KIF3B: variants seen among roughly 807,000 people sequenced by gnomAD.
KIF3B encodes kinesin-like protein KIF3B.
A neutral mutation model predicts 74.3 loss-of-function variants in KIF3B; 38 were observed. That is an observed-to-expected ratio of 0.51 (90% CI 0.39 to 0.67). The LOEUF is 0.67. KIF3B is among the 30% of genes least tolerant of loss of function. The pLI, the probability that KIF3B is intolerant of heterozygous loss-of-function variation, is 0.00. For synonymous variants in KIF3B, 326 were observed against 342.5 expected, an observed-to-expected ratio of 0.95 and a Z score of 0.53; for missense variants, 649 against 932.0, an observed-to-expected ratio of 0.70 and a Z score of 3.95.
chr20:32,279,616 C>T (rs891817580), intron 1 of KIF3B, among the ~76,000 whole-genome samples: 3 of 152,086 alleles, frequency 2.0e-5, no homozygotes, highest in Non-Finnish European at 4.4e-5. Flanking sequence ...CAGGCATGTG[C>T]CACCATGCCC....
chr20:32,311,198 C>A lies in KIF3B; in HGVS notation c.1404+17C>A. The A allele has an allele frequency of 6.3e-7, 1 of 1,580,670 alleles. No individual in the cohort carries two copies. The highest frequency in any genetic ancestry group is 2.3e-5 in the East Asian group (1 of 44,374). On this transcript the variant is annotated intron_variant, in intron 2 of 8. Coordinates refer to ENST00000375712, the MANE Select transcript of KIF3B (RefSeq NM_004798.4). ...AAGATCAAGGTACCATACCCGTACCCTTCCTTAGGCCCTTGCCCTGTCACT... is the reference window on the plus strand; with the variant it reads ...AAGATCAAGGTACCATACCCGTACCATTCCTTAGGCCCTTGCCCTGTCACT...
At chr20:32,284,290 T>A (rs1258517814) in intron 1 of KIF3B, among the ~76,000 whole-genome samples, 8 of 152,156 alleles carry the variant, frequency 5.3e-5, no homozygotes, top group African/African-American at 1.7e-4. Flanking sequence ...TCCTGTGCAT[T>A]CTCATTTACT....
chr20:32,278,792 C>T (rs2047628041), intron 1 of KIF3B, among the ~76,000 whole-genome samples: 1 of 152,114 alleles, frequency 6.6e-6, no homozygotes, highest in Non-Finnish European at 1.5e-5. Context: ...TTAAGAAGCA[C>T]TTTACCAGGC....
chr20:32,308,415 A>G (rs1443252877), intron 1 of KIF3B, among the ~76,000 whole-genome samples: 6 of 151,896 alleles, frequency 4.0e-5, no homozygotes, highest in African/African-American at 1.5e-4. Context: ...TTTTTATTTT[A>G]CTGTATTTAT....
chr20:32,279,951 C>A (rs990261575), intron 1 of KIF3B, among the ~76,000 whole-genome samples: 2 of 152,200 alleles, frequency 1.3e-5, no homozygotes, highest in African/African-American at 2.4e-5. Flanking sequence ...TGCTACTGAG[C>A]AAAGAGGTGC....
chr20:32,279,486 A>G (rs1240472334), intron 1 of KIF3B, among the ~76,000 whole-genome samples: 3 of 146,282 alleles, frequency 2.1e-5, no homozygotes, highest in Admixed American at 1.4e-4. Context: ...TTTTTTTGAG[A>G]CGGAGTTTTG....
At chr20:32,314,011 C>T (rs1418703817) in intron 2 of KIF3B, among the ~76,000 whole-genome samples, 6 of 152,066 alleles carry the variant, frequency 3.9e-5, no homozygotes, top group African/African-American at 1.2e-4. Flanking sequence ...CCCTTATGTC[C>T]GGCCTGGGTA....
At chr20:32,307,816 G>A (rs981448156) in intron 1 of KIF3B, among the ~76,000 whole-genome samples, 1 of 151,624 alleles carries the variant, frequency 6.6e-6, no homozygotes, top group African/African-American at 2.4e-5. Flanking sequence ...TTACTCGGGA[G>A]GCTGAGACAG....
At chr20:32,298,654 A>C (rs2047727497) in intron 1 of KIF3B, among the ~76,000 whole-genome samples, 1 of 150,926 alleles carries the variant, frequency 6.6e-6, no homozygotes, top group Non-Finnish European at 1.5e-5. Flanking sequence ...ATATCCTTCT[A>C]TCTCCCCTCC....
chr20:32,322,880 T>A (rs1185663033), intron 5 of KIF3B, among the ~76,000 whole-genome samples: 4 of 75,824 alleles, frequency 5.3e-5, no homozygotes, highest in Admixed American at 2.5e-4. Context: ...ATATATATTT[T>A]TATATATTTA....
rs555408975 is a variant in KIF3B, at chr20:32,319,566, T to G, written c.1748+2692T>G. ...CACATATGTGTATATATATAGTTTTTTTTTGTTTTGTTTTTGTTTTTTTTT... is the reference window on the plus strand; with the variant it reads ...CACATATGTGTATATATATAGTTTTGTTTTGTTTTGTTTTTGTTTTTTTTT... On this transcript the variant is annotated intron_variant, in intron 5 of 8. Coordinates refer to ENST00000375712, the MANE Select transcript of KIF3B (RefSeq NM_004798.4). Among the ~76,000 whole-genome samples the G allele has an allele frequency of 6.1e-5, 9 of 148,048 alleles. No individual in the cohort carries two copies. In the East Asian group the frequency reaches 8.0e-4, roughly 13 times the overall value.
At chr20:32,306,999 A>T (rs2047774887) in intron 1 of KIF3B, among the ~76,000 whole-genome samples, 1 of 152,134 alleles carries the variant, frequency 6.6e-6, no homozygotes, top group African/African-American at 2.4e-5. Flanking sequence ...TTGTATTCAT[A>T]TCAAGCATAT....
At chr20:32,326,149 G>A (rs2024952) in intron 5 of KIF3B, among the ~76,000 whole-genome samples, 52,163 of 151,866 alleles carry the variant, frequency 0.34, 10,235 homozygotes, top group East Asian at 0.74. Flanking sequence ...ACCATAGAGA[G>A]ACACCACCAG....
At chr20:32,285,905 G>T (rs961202514) in intron 1 of KIF3B, among the ~76,000 whole-genome samples, 10 of 152,156 alleles carry the variant, frequency 6.6e-5, no homozygotes, top group African/African-American at 2.4e-4. Context: ...CATGTTTAAG[G>T]TTCAGTTAAT....
intron 1 of KIF3B, among the ~76,000 whole-genome samples, chr20:32,308,477 C>T (rs1474716186): frequency 6.6e-6 from 1 of 152,204 alleles, no homozygotes; most frequent in Non-Finnish European, 1.5e-5. Flanking sequence ...GTGGCGCAGT[C>T]TTGGCTCTCT....
chr20:32,321,911 A>G (rs1340526688), intron 5 of KIF3B, among the ~76,000 whole-genome samples: 2 of 152,192 alleles, frequency 1.3e-5, no homozygotes, highest in African/African-American at 2.4e-5. Context: ...TTTTATATGC[A>G]CTGGGAAACC....
chr20:32,321,900 C>A (rs902474527), intron 5 of KIF3B, among the ~76,000 whole-genome samples: 1 of 152,116 alleles, frequency 6.6e-6, no homozygotes, highest in South Asian at 2.1e-4. Flanking sequence ...GTAAGCATAA[C>A]TTTTATATGC....
At chr20:32,309,005 G>A (rs1450985964) in intron 1 of KIF3B, among the ~76,000 whole-genome samples, 2 of 151,960 alleles carry the variant, frequency 1.3e-5, no homozygotes, top group Admixed American at 6.6e-5. Context: ...ATGAGCCACC[G>A]CGCCCAGCCG....
At chr20:32,323,892 A>G (rs951516593) in intron 5 of KIF3B, among the ~76,000 whole-genome samples, 2 of 151,982 alleles carry the variant, frequency 1.3e-5, no homozygotes, top group Non-Finnish European at 2.9e-5. Flanking sequence ...AAGTATATAT[A>G]TACATATTTT....
Sources: gnomAD v4.1 joint callset for allele counts (sites outside exome capture counted in the v4.1 genomes callset) on GRCh38, gnomAD v4.1.1 for gene constraint, MANE v1.5 for transcripts, NCBI Gene and HGNC (gene_info 2026-07-23, HGNC 2026-07-21) for gene names.